Variants in ZNF385B observed in about 807,000 individuals in gnomAD.
ZNF385B encodes zinc finger protein 533.
Under a neutral mutation model 39.2 loss-of-function variants are expected in ZNF385B, and 23 were observed. The observed-to-expected ratio is 0.59, with a 90% CI of 0.42 to 0.83. The LOEUF (loss-of-function observed/expected upper bound fraction) is 0.83. Among genes scored for constraint, ZNF385B ranks in the 40% least tolerant of loss-of-function variants. ZNF385B has a pLI of 0.00. For synonymous variants in ZNF385B, 205 were observed against 222.6 expected (o/e 0.92, Z 0.70); for missense variants, 552 against 598.9 (o/e 0.92, Z 0.82).
chr2:179,518,743 T>G, intron 4 of ZNF385B, 105 bp from the exon 5 acceptor site: 2 of 611,978 alleles, frequency 3.3e-6, no homozygotes, highest in Non-Finnish European at 5.4e-6. Flanking sequence ...AAACTTTTAG[T>G]TCCTAAACAA....
chr2:179,458,094 C>T (rs967435029), intron 6 of ZNF385B, among the ~76,000 whole-genome samples: 4 of 152,148 alleles, frequency 2.6e-5, no homozygotes, highest in African/African-American at 7.2e-5. Context: ...GTAATATCTT[C>T]GTATATCTAA....
intron 3 of ZNF385B, among the ~76,000 whole-genome samples, chr2:179,696,708 G>T (rs1268714745): frequency 2.0e-5 from 3 of 152,008 alleles, no homozygotes; most frequent in Non-Finnish European, 2.9e-5. Context: ...AACTTTTCAA[G>T]AACTTTGCAT....
At chr2:179,494,622 A>C (rs1314965977) in intron 5 of ZNF385B, among the ~76,000 whole-genome samples, 1 of 152,140 alleles carries the variant, frequency 6.6e-6, no homozygotes, top group Admixed American at 6.5e-5. Flanking sequence ...TATTTTTAAA[A>C]ATCTATGTAA....
At chr2:179,817,958 A>G (rs1404969616) in intron 1 of ZNF385B, among the ~76,000 whole-genome samples, 1 of 151,958 alleles carries the variant, frequency 6.6e-6, no homozygotes, top group African/African-American at 2.4e-5. Flanking sequence ...CCTGAGCAAG[A>G]GTGTGTGTGT....
chr2:179,517,702 G>A (rs1235846825), intron 5 of ZNF385B, among the ~76,000 whole-genome samples: 9 of 152,130 alleles, frequency 5.9e-5, no homozygotes, highest in Admixed American at 4.6e-4. Context: ...TGCAGCCTTC[G>A]GATTCTGATT....
At chr2:179,468,567 C>A (rs748193682) in intron 6 of ZNF385B, among the ~76,000 whole-genome samples, 51 of 151,980 alleles carry the variant, frequency 3.4e-4, no homozygotes, top group Non-Finnish European at 6.2e-4. Flanking sequence ...AGAAAAGGTT[C>A]TTTTTCTTTG....
At chr2:179,464,730 A>T (rs966205852) in intron 6 of ZNF385B, among the ~76,000 whole-genome samples, 1 of 152,164 alleles carries the variant, frequency 6.6e-6, no homozygotes, top group Non-Finnish European at 1.5e-5. Context: ...TACCAGTACC[A>T]TGCCGTTTTG....
intron 3 of ZNF385B, among the ~76,000 whole-genome samples, chr2:179,768,491 T>C (rs1327662828): frequency 1.3e-5 from 2 of 152,144 alleles, no homozygotes; most frequent in Non-Finnish European, 2.9e-5. Flanking sequence ...ATAAAAATAA[T>C]TTATTTACAA....
chr2:179,584,566 A>C (rs548179635), intron 3 of ZNF385B, among the ~76,000 whole-genome samples: 23 of 152,346 alleles, frequency 1.5e-4, no homozygotes, highest in Non-Finnish European at 2.4e-4. Flanking sequence ...CTCAGAGTTT[A>C]TAATGAGTAC....
chr2:179,733,836 T>C (rs1266244473), intron 3 of ZNF385B, among the ~76,000 whole-genome samples: 1 of 151,338 alleles, frequency 6.6e-6, no homozygotes, highest in Non-Finnish European at 1.5e-5. Context: ...ATAAGTCTAC[T>C]TCAAACAGCA....
intron 3 of ZNF385B, among the ~76,000 whole-genome samples, chr2:179,689,287 G>T (rs1306890609): frequency 2.6e-5 from 4 of 152,150 alleles, no homozygotes; most frequent in Non-Finnish European, 5.9e-5. Flanking sequence ...TAAAAGCCGA[G>T]AACCAAGGAA....
intron 3 of ZNF385B, among the ~76,000 whole-genome samples, chr2:179,623,271 CTT>C (rs764039947): frequency 6.9e-6 from 1 of 144,950 alleles, no homozygotes. Flanking sequence ...GGACATTTGT[CTT>C]TTTTTTTTTT....
intron 4 of ZNF385B, among the ~76,000 whole-genome samples, chr2:179,524,152 A>G (rs2058705566): frequency 6.6e-6 from 1 of 152,012 alleles, no homozygotes; most frequent in Non-Finnish European, 1.5e-5. Context: ...AACTATTTTA[A>G]CCAATGTTCT....
chr2:179,730,537 C>A (rs1032508306), intron 3 of ZNF385B, among the ~76,000 whole-genome samples: 3 of 152,178 alleles, frequency 2.0e-5, no homozygotes, highest in African/African-American at 7.2e-5. Flanking sequence ...CCATCCTTAG[C>A]TAGCTTGGAA....
At chr2:179,631,427 A>C (rs1244230754) in intron 3 of ZNF385B, among the ~76,000 whole-genome samples, 2 of 152,230 alleles carry the variant, frequency 1.3e-5, no homozygotes, top group Admixed American at 1.3e-4. Context: ...ACTAAGCTTC[A>C]TAAGTGAAGG....
chr2:179,684,780 A>C (rs1697795636), intron 3 of ZNF385B, among the ~76,000 whole-genome samples: 1 of 152,232 alleles, frequency 6.6e-6, no homozygotes, highest in Admixed American at 6.5e-5. Flanking sequence ...TTCCCCAAGG[A>C]ATGTCCAAAG....
At chr2:179,489,240 A>G (rs2054942202) in intron 5 of ZNF385B, among the ~76,000 whole-genome samples, 1 of 152,226 alleles carries the variant, frequency 6.6e-6, no homozygotes, top group Non-Finnish European at 1.5e-5. Context: ...TTTCCTGGGC[A>G]CATACACTTT....
At chr2:179,552,063 CTA>C (rs2105928976) in intron 3 of ZNF385B, among the ~76,000 whole-genome samples, 1 of 149,374 alleles carries the variant, frequency 6.7e-6, no homozygotes, top group Non-Finnish European at 1.5e-5. Flanking sequence ...CATAAGAAAA[CTA>C]TTATTTCAGC....
At chr2:179,694,956 AGAGGAGGAGGAGGAGGAGGAG>A (rs71994313) in intron 3 of ZNF385B, among the ~76,000 whole-genome samples, 1 of 148,592 alleles carries the variant, frequency 6.7e-6, no homozygotes, top group South Asian at 2.2e-4. Flanking sequence ...AAAAGAAAGA[AGAGGAGGAGGAGGAGGAGGAG>A]GAGGAGGAGG....
Sources: allele counts gnomAD v4.1 joint callset (sites outside exome capture counted in the v4.1 genomes callset), GRCh38; gene constraint gnomAD v4.1.1; transcripts MANE v1.5; gene names NCBI Gene and HGNC (gene_info 2026-07-23, HGNC 2026-07-21).